The following PTPRG variants were observed in gnomAD, a reference collection of about 807,000 sequenced individuals.
The protein encoded by PTPRG is protein tyrosine phosphatase receptor type G.
Under a neutral mutation model 165.3 loss-of-function variants are expected in PTPRG, and 102 were observed. The observed-to-expected ratio is 0.62, with a 90% CI of 0.53 to 0.73. The LOEUF (loss-of-function observed/expected upper bound fraction) is 0.73, where lower values mean the gene tolerates loss of function less well. Ranked by LOEUF, PTPRG falls within the 30% of genes least tolerant of loss-of-function variation. The probability of loss-of-function intolerance (pLI) is 0.00; values close to 1 mark genes in which losing one functional copy is unlikely to be tolerated. For synonymous variants in PTPRG, 675 were observed against 669.5 expected, an observed-to-expected ratio of 1.01 and a Z score of -0.13; for missense variants, 1,866 against 1,861.4, an observed-to-expected ratio of 1.00 and a Z score of -0.05.
chr3:62,070,354 T>A (rs1331785523), intron 4 of PTPRG, among the ~76,000 whole-genome samples: 1 of 152,214 alleles, frequency 6.6e-6, no homozygotes, highest in Non-Finnish European at 1.5e-5. Context: ...GAGCCCTCCT[T>A]GCCACTGATT....
intron 6 of PTPRG, among the ~76,000 whole-genome samples, chr3:62,138,714 C>CAAAAAAAAAAAAAAAA (rs563632840): frequency 5.5e-5 from 5 of 91,386 alleles, no homozygotes; most frequent in Admixed American, 4.2e-4. Context: ...GGCAAAGCTC[C>CAAAAAAAAAAAAAAAA]AAAAAAAAAA....
intron 1 of PTPRG, among the ~76,000 whole-genome samples, chr3:61,719,008 T>C (rs1381109766): frequency 1.3e-5 from 2 of 152,158 alleles, no homozygotes. Context: ...GAATGGTACA[T>C]ATACCAGCCA....
intron 12 of PTPRG, among the ~76,000 whole-genome samples, chr3:62,205,806 TCTA>T (rs1296948831): frequency 1.3e-5 from 2 of 152,146 alleles, no homozygotes; most frequent in South Asian, 2.1e-4. Flanking sequence ...AGGATTTCCT[TCTA>T]CTAGAAATGA....
At chr3:61,698,178 G>A (rs2030721902) in intron 1 of PTPRG, among the ~76,000 whole-genome samples, 1 of 151,858 alleles carries the variant, frequency 6.6e-6, no homozygotes, top group African/African-American at 2.4e-5. Flanking sequence ...TTGTTATAGG[G>A]GCCTCAACCA....
intron 1 of PTPRG, among the ~76,000 whole-genome samples, chr3:61,653,868 G>T (rs1409563133): frequency 1.4e-5 from 2 of 142,834 alleles, no homozygotes; most frequent in African/African-American, 2.6e-5. Context: ...ACTAGAAGCA[G>T]CATGTGTGCA....
chr3:61,867,858 T>C (rs1458898121), intron 2 of PTPRG, among the ~76,000 whole-genome samples: 2 of 152,122 alleles, frequency 1.3e-5, no homozygotes. Context: ...TAGAGTCTCA[T>C]GTGGTGTGTG....
intron 2 of PTPRG, chr3:61,753,778 T>C: frequency 6.3e-6 from 2 of 315,342 alleles, no homozygotes; most frequent in South Asian, 5.1e-5. Flanking sequence ...GTATTTTTAG[T>C]AGAGATGGGG....
chr3:61,865,069 T>C (rs967492645), intron 2 of PTPRG, among the ~76,000 whole-genome samples: 6 of 152,120 alleles, frequency 3.9e-5, no homozygotes, highest in Non-Finnish European at 7.3e-5. Context: ...TGTGTTTGGG[T>C]TTCTGGAGAC....
At chr3:62,013,774 G>A (rs772324654) in intron 4 of PTPRG, among the ~76,000 whole-genome samples, 4 of 151,438 alleles carry the variant, frequency 2.6e-5, no homozygotes, top group Non-Finnish European at 5.9e-5. Flanking sequence ...CTTAGATGCT[G>A]TACAGGTTTT....
chr3:62,288,410 C>T (rs189178578), intron 28 of PTPRG, among the ~76,000 whole-genome samples: 15 of 152,280 alleles, frequency 9.9e-5, no homozygotes, highest in Admixed American at 7.2e-4. Context: ...CACGGTGACT[C>T]ACACCTATAA....
chr3:61,994,273 G>A (rs1237359906), intron 3 of PTPRG, among the ~76,000 whole-genome samples: 1 of 152,002 alleles, frequency 6.6e-6, no homozygotes, highest in Non-Finnish European at 1.5e-5. Flanking sequence ...ATAAGACGTG[G>A]CCTTCTATGA....
chr3:61,692,873 C>T (rs900867869), intron 1 of PTPRG, among the ~76,000 whole-genome samples: 4 of 152,114 alleles, frequency 2.6e-5, no homozygotes, highest in African/African-American at 9.7e-5. Context: ...ATAGGCCTGA[C>T]AGAAATGAGC....
intron 5 of PTPRG, among the ~76,000 whole-genome samples, chr3:62,120,521 T>C (rs538901454): frequency 3.2e-5 from 3 of 94,196 alleles, no homozygotes; most frequent in African/African-American, 9.7e-5. Flanking sequence ...GAGGCCGAGG[T>C]GGGTGGATCA....
chr3:61,724,217 C>CAAAAAAAAA (rs1260061643), intron 1 of PTPRG, among the ~76,000 whole-genome samples: 2,345 of 128,350 alleles, frequency 0.018, 83 homozygotes, highest in African/African-American at 0.048. Flanking sequence ...CTCCCATCTC[C>CAAAAAAAAA]AAAAAAAAAA....
chr3:61,993,152 CT>C (rs879341940), intron 3 of PTPRG, among the ~76,000 whole-genome samples: 165 of 136,558 alleles, frequency 1.2e-3, no homozygotes, highest in Admixed American at 9.3e-4. Context: ...TAACCTATTT[CT>C]TTTTTTTTTT....
At chr3:61,872,842 A>G (rs764195283) in intron 2 of PTPRG, among the ~76,000 whole-genome samples, 1 of 152,156 alleles carries the variant, frequency 6.6e-6, no homozygotes, top group Admixed American at 6.5e-5. Context: ...AGAAGAATCC[A>G]GAAGTCATGG....
chr3:61,987,040 G>T (rs968157627), intron 2 of PTPRG, among the ~76,000 whole-genome samples: 3 of 152,086 alleles, frequency 2.0e-5, no homozygotes, highest in African/African-American at 7.2e-5. Context: ...TTTATAAAGT[G>T]TCTTAACACT....
chr3:62,112,786 C>T (rs898636082), intron 5 of PTPRG, among the ~76,000 whole-genome samples: 24 of 152,228 alleles, frequency 1.6e-4, no homozygotes, highest in African/African-American at 4.1e-4. Context: ...GATGTATGTA[C>T]GTTCGTGTCT....
chr3:61,834,681 C>CTAT (rs2036408804), intron 2 of PTPRG, among the ~76,000 whole-genome samples: 1 of 152,112 alleles, frequency 6.6e-6, no homozygotes, highest in South Asian at 2.1e-4. Context: ...GGCATGGTGG[C>CTAT]GTGTGCCTGT....
Sources: gnomAD v4.1 joint callset for allele counts (sites outside exome capture counted in the v4.1 genomes callset) on GRCh38, gnomAD v4.1.1 for gene constraint, MANE v1.5 for transcripts, NCBI Gene and HGNC (gene_info 2026-07-23, HGNC 2026-07-21) for gene names.